CDH10: variants seen among roughly 807,000 people sequenced by gnomAD.
CDH10 encodes cadherin 10.
CDH10 carries 30 observed loss-of-function variants against 73.1 expected under a neutral mutation model. That is an observed-to-expected ratio of 0.41 (90% confidence interval 0.31 to 0.56). CDH10 has a LOEUF of 0.56. Among genes scored for constraint, CDH10 ranks in the 20% least tolerant of loss-of-function variants. The probability of loss-of-function intolerance (pLI) is 0.27; values close to 1 mark genes in which losing one functional copy is unlikely to be tolerated. For synonymous variants in CDH10, 345 were observed against 348.2 expected (o/e 0.99, Z 0.10); for missense variants, 815 against 973.7 (o/e 0.84, Z 2.17).
In CDH10 at chr5:24,611,982, T is replaced by C. The variant is rs1432083997; in HGVS notation, c.-123-18369A>G. ...ACCACCCATTGAGCAACACCTCAGA[T>C]GAAACCTTAATTGCAACCGGCAAGA... On this transcript the variant is annotated intron_variant, in intron 1 of 11. Coordinates refer to ENST00000264463, the MANE Select transcript of CDH10 (RefSeq NM_006727.5). 2.6e-5 allele frequency: 4 copies of C among 152,266 alleles called. No homozygotes were observed. The East Asian group carries it at 7.8e-4, about 30-fold the overall frequency. 9.4% of individuals were successfully genotyped at this position (152,266 alleles called of 1,614,324 possible). A position where few individuals can be genotyped will look rare whatever the true frequency, so the allele number is the denominator to read the frequency against.
chr5:24,510,161 A>T (rs1742851211), intron 6 of CDH10, among the ~76,000 whole-genome samples: 1 of 152,214 alleles, frequency 6.6e-6, no homozygotes, highest in African/African-American at 2.4e-5. Context: ...TGCACGTGCA[A>T]AGGTGTTAGC....
intron 5 of CDH10, among the ~76,000 whole-genome samples, chr5:24,534,244 T>C (rs1048460661): frequency 3.9e-5 from 6 of 152,080 alleles, no homozygotes; most frequent in African/African-American, 1.4e-4. Context: ...GGGGGACCAA[T>C]TCAGAGGTTA....
At chr5:24,536,228 A>G (rs573504695) in intron 3 of CDH10, among the ~76,000 whole-genome samples, 31 of 152,170 alleles carry the variant, frequency 2.0e-4, no homozygotes, top group Non-Finnish European at 3.8e-4. Flanking sequence ...AATAATTAAC[A>G]TCTGCTCTAG....
chr5:24,537,707 C>A (rs997548539), intron 2 of CDH10, 33 bp from the exon 3 acceptor site: 2 of 1,396,754 alleles, frequency 1.4e-6, no homozygotes, highest in South Asian at 1.3e-5. Flanking sequence ...TATCCATGAT[C>A]ATGTATAAAG....
intron 2 of CDH10, among the ~76,000 whole-genome samples, chr5:24,591,575 T>G (rs1746201011): frequency 6.6e-6 from 1 of 151,930 alleles, no homozygotes; most frequent in Non-Finnish European, 1.5e-5. Context: ...TTGTCTTCAG[T>G]GATTACAACT....
At chr5:24,642,868 G>A (rs968537849) in intron 1 of CDH10, among the ~76,000 whole-genome samples, 2 of 151,576 alleles carry the variant, frequency 1.3e-5, no homozygotes, top group Non-Finnish European at 2.9e-5. Flanking sequence ...AGTCAGGGAA[G>A]GCGTATGCAT....
chr5:24,594,582 G>A (rs1287374752), intron 1 of CDH10, among the ~76,000 whole-genome samples: 1 of 151,612 alleles, frequency 6.6e-6, no homozygotes, highest in African/African-American at 2.4e-5. Context: ...CCCCTAAACT[G>A]ACTCTTCTCC....
chr5:24,494,452 T>C (rs982004910), intron 9 of CDH10, among the ~76,000 whole-genome samples: 2 of 151,952 alleles, frequency 1.3e-5, no homozygotes, highest in Non-Finnish European at 2.9e-5. Context: ...AGTAGACTAC[T>C]AGAAATCCTT....
At chr5:24,563,214 A>G (rs1745025576) in intron 2 of CDH10, among the ~76,000 whole-genome samples, 1 of 152,078 alleles carries the variant, frequency 6.6e-6, no homozygotes, top group South Asian at 2.1e-4. Flanking sequence ...ATTACAGATG[A>G]GTTGTACTGT....
At chr5:24,568,642 T>G (rs1745251421) in intron 2 of CDH10, among the ~76,000 whole-genome samples, 1 of 152,164 alleles carries the variant, frequency 6.6e-6, no homozygotes, top group Non-Finnish European at 1.5e-5. Context: ...ATTCCACTTT[T>G]GGGTATATAC....
At chr5:24,558,318 C>T (rs1364352801) in intron 2 of CDH10, among the ~76,000 whole-genome samples, 1 of 151,630 alleles carries the variant, frequency 6.6e-6, no homozygotes, top group African/African-American at 2.4e-5. Flanking sequence ...TTATTATAAA[C>T]TATGACCAGG....
intron 2 of CDH10, among the ~76,000 whole-genome samples, chr5:24,569,326 C>A (rs1745280985): frequency 6.6e-6 from 1 of 151,952 alleles, no homozygotes; most frequent in Non-Finnish European, 1.5e-5. Context: ...GATGTTTGCA[C>A]AATGCTGTAA....
chr5:24,488,500 T>C (rs1246608203), intron 11 of CDH10, among the ~76,000 whole-genome samples: 1 of 152,030 alleles, frequency 6.6e-6, no homozygotes, highest in Non-Finnish European at 1.5e-5. Context: ...AGATACTATA[T>C]AAAATTTGTG....
At chr5:24,511,209 T>G in intron 6 of CDH10, 118 bp downstream of exon 6, 1 of 718,362 alleles carries the variant, frequency 1.4e-6, no homozygotes, top group Non-Finnish European at 2.4e-6. Context: ...ACAGTATAAA[T>G]TACATTGCTG....
chr5:24,603,384 A>G (rs374655347), intron 1 of CDH10, among the ~76,000 whole-genome samples: 1 of 152,336 alleles, frequency 6.6e-6, no homozygotes, highest in East Asian at 1.9e-4. Flanking sequence ...GGAGAATATC[A>G]ACAACAAAAC....
chr5:24,582,820 A>G (rs1745849768), intron 2 of CDH10, among the ~76,000 whole-genome samples: 1 of 152,202 alleles, frequency 6.6e-6, no homozygotes, highest in Admixed American at 6.5e-5. Flanking sequence ...CTTTTCACTT[A>G]TAAACCAAAA....
chr5:24,607,067 C>T (rs1234206764), intron 1 of CDH10, among the ~76,000 whole-genome samples: 2 of 152,130 alleles, frequency 1.3e-5, no homozygotes, highest in African/African-American at 4.8e-5. Flanking sequence ...ATTTCCTCAG[C>T]TTGGCCTGGA....
intron 9 of CDH10, among the ~76,000 whole-genome samples, chr5:24,496,444 G>A (rs188629428): frequency 1.4e-3 from 215 of 152,278 alleles, no homozygotes; most frequent in Middle Eastern, 0.01. Flanking sequence ...AAGCAGCCTA[G>A]TTCAGGCACA....
intron 6 of CDH10, 92 bp from the exon 7 acceptor site, chr5:24,509,911 A>G (rs1380847386): frequency 8.7e-6 from 8 of 917,430 alleles, no homozygotes; most frequent in Non-Finnish European, 1.4e-5. Flanking sequence ...GTTGTGGTTG[A>G]GTTCTCTTAC....
Sources: allele counts gnomAD v4.1 joint callset (sites outside exome capture counted in the v4.1 genomes callset), GRCh38; gene constraint gnomAD v4.1.1; transcripts MANE v1.5; gene names NCBI Gene and HGNC (gene_info 2026-07-23, HGNC 2026-07-21).